Variants in ATG10 observed in about 807,000 individuals in gnomAD.
ATG10 encodes the protein ubiquitin-like-conjugating enzyme ATG10.
ATG10 carries 30 observed loss-of-function variants against 32.1 expected under a neutral mutation model. That is an observed-to-expected ratio of 0.94 (90% CI 0.70 to 1.27). The LOEUF (loss-of-function observed/expected upper bound fraction) is 1.27. Ranked by LOEUF, ATG10 falls within the 50% of genes most tolerant of loss-of-function variation. The probability of loss-of-function intolerance (pLI) is 0.00; values close to 1 mark genes in which losing one functional copy is unlikely to be tolerated. For missense variants in ATG10, 233 were observed against 262.3 expected, an observed-to-expected ratio of 0.89 and a Z score of 0.77; for synonymous variants, 87 against 91.5, an observed-to-expected ratio of 0.95 and a Z score of 0.28.
At chr5:82,130,152 A>C (rs1361439898) in intron 3 of ATG10, among the ~76,000 whole-genome samples, 1 of 152,104 alleles carries the variant, frequency 6.6e-6, no homozygotes, top group Non-Finnish European at 1.5e-5. Context: ...GTGAGGGGAA[A>C]ACTGCCTACT....
At chr5:82,157,375 T>G (rs986166582) in intron 3 of ATG10, among the ~76,000 whole-genome samples, 9 of 152,188 alleles carry the variant, frequency 5.9e-5, no homozygotes, top group Non-Finnish European at 1.3e-4. Context: ...GTTAGACATA[T>G]GTTGAACCCG....
chr5:82,127,667 C>G (rs1044219452), intron 3 of ATG10, among the ~76,000 whole-genome samples: 2 of 151,988 alleles, frequency 1.3e-5, no homozygotes, highest in Non-Finnish European at 2.9e-5. Flanking sequence ...GGTTTCTTTT[C>G]TTTTGCATTT....
rs59371349 is a variant in ATG10, at chr5:81,993,310, C to CTTTCTTTCCTTCCTTCCTTCTTT, written c.108+5632_108+5633insTTTCTTTCCTTCCTTCCTTCTTT. Among the ~76,000 whole-genome samples the CTTTCTTTCCTTCCTTCCTTCTTT allele has an allele frequency of 5.1e-3, 313 of 61,426 alleles. 45 individuals are homozygous for CTTTCTTTCCTTCCTTCCTTCTTT. In the East Asian group the frequency reaches 0.089, roughly 17 times the overall value. The allele number at this position is 61,426 out of a possible 152,430, so 40.3% of individuals were successfully genotyped here. On this transcript the variant is annotated intron_variant, in intron 2 of 7. Coordinates refer to ENST00000282185, the MANE Select transcript of ATG10 (RefSeq NM_031482.5). ...CTTTCCTTCTTTCTTTCCTTTCTTT[C>CTTTCTTTCCTTCCTTCCTTCTTT]CTTTCTTTCTTTCTTTCCTTCCTTC...
chr5:82,108,229 T>A (rs555973946), intron 3 of ATG10, among the ~76,000 whole-genome samples: 1 of 152,178 alleles, frequency 6.6e-6, no homozygotes, highest in Non-Finnish European at 1.5e-5. Flanking sequence ...TAGACATTTT[T>A]ATACTAGGTA....
chr5:82,212,039 C>A (rs1745513666), intron 5 of ATG10, among the ~76,000 whole-genome samples: 1 of 152,220 alleles, frequency 6.6e-6, no homozygotes, highest in African/African-American at 2.4e-5. Context: ...AACGGACATG[C>A]AAAACTGCCA....
chr5:82,194,644 AAAC>A (rs1744784885), intron 5 of ATG10, among the ~76,000 whole-genome samples: 1 of 152,216 alleles, frequency 6.6e-6, no homozygotes, highest in Admixed American at 6.5e-5. Flanking sequence ...GATTGAATAA[AAAC>A]AGTGCTTAGA....
chr5:82,115,487 T>C lies in ATG10; in HGVS notation c.217-48912T>C, dbSNP rs1765776141. Among the ~76,000 whole-genome samples, 2 of 152,198 alleles carry C rather than the reference T, an allele frequency of 1.3e-5. 1 individual carries two copies. The highest frequency in any genetic ancestry group is 4.1e-4 in the South Asian group (2 of 4,828). On this transcript the variant is annotated intron_variant, in intron 3 of 7. Coordinates refer to ENST00000282185, the MANE Select transcript of ATG10 (RefSeq NM_031482.5). ...ACTTTTGTATGTGATTGAAAGTTTTTATAATAAACAGTATTGAGTTGAGAG... is the reference window on the plus strand; with the variant it reads ...ACTTTTGTATGTGATTGAAAGTTTTCATAATAAACAGTATTGAGTTGAGAG...
intron 2 of ATG10, among the ~76,000 whole-genome samples, chr5:82,015,074 C>T (rs1225435141): frequency 5.3e-5 from 8 of 152,138 alleles, no homozygotes; most frequent in Non-Finnish European, 1.2e-4. Context: ...TTTATTTCTC[C>T]TTCACTTATG....
At chr5:81,987,508 C>T in intron 1 of ATG10, 51 bp from the exon 2 acceptor site, 7 of 1,286,550 alleles carry the variant, frequency 5.4e-6, no homozygotes, top group Non-Finnish European at 7.6e-6. Context: ...GGCAGAATTC[C>T]TTTCAATATA....
At chr5:82,048,680 A>G (rs1426957347) in intron 2 of ATG10, among the ~76,000 whole-genome samples, 5 of 152,004 alleles carry the variant, frequency 3.3e-5, no homozygotes, top group Non-Finnish European at 2.9e-5. Flanking sequence ...AGAATCTACA[A>G]TGGACTCAAA....
chr5:82,112,022 C>G (rs1415297235), intron 3 of ATG10, among the ~76,000 whole-genome samples: 1 of 151,912 alleles, frequency 6.6e-6, no homozygotes, highest in African/African-American at 2.4e-5. Context: ...ATTTAATATA[C>G]TTTTGATAAA....
At chr5:82,158,223 T>C (rs1039036095) in intron 3 of ATG10, among the ~76,000 whole-genome samples, 2 of 152,222 alleles carry the variant, frequency 1.3e-5, no homozygotes, top group African/African-American at 4.8e-5. Flanking sequence ...ATTTAATCTT[T>C]TAGCTCTTGA....
At chr5:82,037,234 CTTTTTT>C (rs1166784267) in intron 2 of ATG10, among the ~76,000 whole-genome samples, 8 of 36,936 alleles carry the variant, frequency 2.2e-4, no homozygotes, top group African/African-American at 4.9e-4. Flanking sequence ...ATCTCATTTA[CTTTTTT>C]TTTTTTTTTT....
chr5:82,045,949 T>A (rs1160518648), intron 2 of ATG10, among the ~76,000 whole-genome samples: 1 of 152,132 alleles, frequency 6.6e-6, no homozygotes, highest in East Asian at 1.9e-4. Context: ...AAAGCAGTGA[T>A]TGTACTACCG....
intron 3 of ATG10, among the ~76,000 whole-genome samples, chr5:82,122,973 A>T (rs1445767960): frequency 1.3e-5 from 2 of 152,262 alleles, no homozygotes; most frequent in African/African-American, 4.8e-5. Context: ...AGCTAAAAAC[A>T]GAACTACATT....
chr5:82,125,742 G>T (rs1160559558), intron 3 of ATG10, among the ~76,000 whole-genome samples: 1 of 152,040 alleles, frequency 6.6e-6, no homozygotes, highest in Non-Finnish European at 1.5e-5. Context: ...GCTGAGGATT[G>T]TCTTGGCTAT....
chr5:82,252,747 A>C, intron 6 of ATG10, 88 bp downstream of exon 6: 1 of 723,276 alleles, frequency 1.4e-6, no homozygotes, highest in Non-Finnish European at 2.3e-6. Flanking sequence ...TAGGCTAAAA[A>C]AGAAATATTA....
chr5:82,025,515 T>TG (rs757068924), intron 2 of ATG10, among the ~76,000 whole-genome samples: 2 of 152,102 alleles, frequency 1.3e-5, no homozygotes, highest in African/African-American at 4.8e-5. Context: ...GTGCTGAGCC[T>TG]GGGGGAGATA....
At chr5:82,011,979 A>G (rs1054462247) in intron 2 of ATG10, among the ~76,000 whole-genome samples, 4 of 152,168 alleles carry the variant, frequency 2.6e-5, no homozygotes, top group Non-Finnish European at 5.9e-5. Context: ...TGGGATGACT[A>G]CTACCTCAGG....
Sources: allele counts gnomAD v4.1 joint callset (sites outside exome capture counted in the v4.1 genomes callset), GRCh38; gene constraint gnomAD v4.1.1; transcripts MANE v1.5; gene names NCBI Gene and HGNC (gene_info 2026-07-23, HGNC 2026-07-21).